TTC7B: variants seen among roughly 807,000 people sequenced by gnomAD.
TTC7B encodes tetratricopeptide repeat protein 7B.
In TTC7B, 28 loss-of-function variants were observed where a neutral mutation model predicts 106.8. The ratio of observed to expected loss-of-function variants is 0.26; its 90% CI spans 0.19 to 0.36. The LOEUF (loss-of-function observed/expected upper bound fraction) is 0.36. TTC7B is among the 10% of genes least tolerant of loss of function. The pLI, the probability that TTC7B is intolerant of heterozygous loss-of-function variation, is 1.00. For synonymous variants in TTC7B, 405 were observed against 430.6 expected (o/e 0.94, Z 0.74); for missense variants, 862 against 1,076.4 (o/e 0.80, Z 2.79).
intron 18 of TTC7B, among the ~76,000 whole-genome samples, chr14:90,583,682 C>T (rs1891597126): frequency 6.6e-6 from 1 of 152,090 alleles, no homozygotes. Flanking sequence ...ATATTCTGTC[C>T]TGGCCGCTGG....
chr14:90,722,966 T>C (rs1310219728), intron 5 of TTC7B, among the ~76,000 whole-genome samples: 1 of 152,164 alleles, frequency 6.6e-6, no homozygotes, highest in African/African-American at 2.4e-5. Flanking sequence ...CCTTCACTGA[T>C]CTCATTCAAT....
In TTC7B at chr14:90,742,307, C is replaced by G. The variant is rs1424450405; in HGVS notation, c.576+2485G>C. Among the ~76,000 whole-genome samples the G allele has an allele frequency of 1.3e-5, 2 of 151,522 alleles. No homozygotes were observed. Among genetic ancestry groups the G allele is most frequent in the Non-Finnish European group, 2.9e-5 (2 of 67,884 alleles). ...TCCTTCCCTCCCTTCCTCCCTCCCT[C>G]CTTTCTCTTTCTCTTTCTCTCTCTC... On this transcript the variant is annotated intron_variant, in intron 4 of 19. Coordinates refer to ENST00000328459, the MANE Select transcript of TTC7B (RefSeq NM_001010854.2). This position sits in a 1 kb window ranked among gnomAD's most constrained non-coding sequence, Gnocchi z 4.1.
At chr14:90,658,203 G>C (rs1886030768) in intron 10 of TTC7B, 101 bp downstream of exon 10, 1 of 1,004,738 alleles carries the variant, frequency 1.0e-6, no homozygotes, top group Admixed American at 2.1e-5. Context: ...TGGCTCGAAA[G>C]ACTTCCACAA....
chr14:90,752,742 C>T (rs2140008796), intron 3 of TTC7B, among the ~76,000 whole-genome samples: 1 of 152,358 alleles, frequency 6.6e-6, no homozygotes, highest in South Asian at 2.1e-4. Flanking sequence ...ATTAAGGGCT[C>T]CACAGCTAGT....
At chr14:90,642,327 A>G (rs1215625412) in intron 15 of TTC7B, among the ~76,000 whole-genome samples, 2 of 152,234 alleles carry the variant, frequency 1.3e-5, no homozygotes, top group African/African-American at 2.4e-5. Context: ...TTTGTAATGG[A>G]AATGTGTGAA....
chr14:90,772,855 C>T (rs1483537146), intron 3 of TTC7B: 1 of 152,100 alleles, frequency 6.6e-6, no homozygotes, highest in Non-Finnish European at 1.5e-5. Context: ...TGCCTGTAGT[C>T]CCAGCTGAGG....
At chr14:90,788,896 G>C (rs907285548) in intron 1 of TTC7B, among the ~76,000 whole-genome samples, 4 of 151,778 alleles carry the variant, frequency 2.6e-5, no homozygotes, top group African/African-American at 9.7e-5. Context: ...CCAGGAGGCA[G>C]AGGTTGCAGT....
chr14:90,581,355 T>C (rs967165301), intron 18 of TTC7B, among the ~76,000 whole-genome samples: 1 of 152,176 alleles, frequency 6.6e-6, no homozygotes, highest in Non-Finnish European at 1.5e-5. Flanking sequence ...CATTTCTCTG[T>C]CCTTTAGTTT....
intron 15 of TTC7B, among the ~76,000 whole-genome samples, chr14:90,641,934 C>T (rs72691750): frequency 0.21 from 30,684 of 146,866 alleles, 3,814 homozygotes; most frequent in Admixed American, 0.28. Flanking sequence ...TGTGTGTGTG[C>T]GTGTGTGTGT....
chr14:90,552,560 C>T (rs577536248), intron 19 of TTC7B, among the ~76,000 whole-genome samples: 18 of 152,298 alleles, frequency 1.2e-4, no homozygotes, highest in African/African-American at 4.1e-4. Context: ...GGGGATAGAA[C>T]ATTCGTGTGG....
At position 90,805,176 on chromosome 14, in the gene TTC7B, A is replaced by G. The variant is rs1386855983; in HGVS notation, c.121+10999T>C. On this transcript the variant is annotated intron_variant, in intron 1 of 19. Transcript: ENST00000328459. The surrounding 1 kb of genome is among the most constrained non-coding windows in gnomAD (Gnocchi z 4.0). The stretch of plus-strand genomic sequence containing the variant: ...GCTAAGAGTTACAGGTGCATCTCAG[A>G]CATCAGTCCAGGGCCTCGGGCCAGT... Among the ~76,000 whole-genome samples the G allele has an allele frequency of 6.6e-6, 1 of 152,166 alleles. No individual in the cohort carries two copies. The highest frequency in any genetic ancestry group is 1.5e-5 in the Non-Finnish European group (1 of 68,020).
intron 6 of TTC7B, among the ~76,000 whole-genome samples, chr14:90,695,265 C>A (rs1887692424): frequency 8.1e-6 from 1 of 123,118 alleles, no homozygotes; most frequent in Non-Finnish European, 1.7e-5. Context: ...ATATATATGT[C>A]ACACATACAA....
intron 4 of TTC7B, among the ~76,000 whole-genome samples, chr14:90,743,621 C>T (rs148454869): frequency 3.8e-4 from 58 of 152,284 alleles, no homozygotes; most frequent in African/African-American, 1.3e-3. Context: ...CCAGCAACAG[C>T]AACTGCTAGG....
At chr14:90,790,971 A>G (rs1226278278) in intron 1 of TTC7B, among the ~76,000 whole-genome samples, 1 of 152,096 alleles carries the variant, frequency 6.6e-6, no homozygotes, top group Non-Finnish European at 1.5e-5. Context: ...GGGGAATAGG[A>G]TGTGGATAGA....
intron 9 of TTC7B, among the ~76,000 whole-genome samples, chr14:90,673,513 G>A (rs1176351239): frequency 6.6e-6 from 1 of 152,194 alleles, no homozygotes; most frequent in South Asian, 2.1e-4. Context: ...CAGAAAGATC[G>A]CCCTGCTGAC....
At chr14:90,594,271 T>G (rs1419129267) in intron 17 of TTC7B, among the ~76,000 whole-genome samples, 1 of 152,178 alleles carries the variant, frequency 6.6e-6, no homozygotes, top group African/African-American at 2.4e-5. Flanking sequence ...TAGCAAAGAC[T>G]CCTGGGGTTC....
At chr14:90,609,476 A>G (rs149512466) in intron 17 of TTC7B, among the ~76,000 whole-genome samples, 97 of 152,320 alleles carry the variant, frequency 6.4e-4, no homozygotes, top group Middle Eastern at 3.4e-3. Flanking sequence ...TCTGGCTCCC[A>G]AAGGCCCTAT....
At chr14:90,672,543 T>C (rs999799210) in intron 9 of TTC7B, among the ~76,000 whole-genome samples, 5 of 152,214 alleles carry the variant, frequency 3.3e-5, no homozygotes, top group South Asian at 2.1e-4. Flanking sequence ...TCTCTCCTCC[T>C]AGACCACTTA....
At chr14:90,745,297 C>CAAAAAAAAAAAA in intron 3 of TTC7B, among the ~76,000 whole-genome samples, 1 of 108,724 alleles carries the variant, frequency 9.2e-6, no homozygotes, top group Non-Finnish European at 2.0e-5. Context: ...CCCTGTCTCC[C>CAAAAAAAAAAAA]AAAAAAAAAA....
Sources: allele counts gnomAD v4.1 joint callset (sites outside exome capture counted in the v4.1 genomes callset), GRCh38; gene constraint gnomAD v4.1.1; non-coding constraint Gnocchi (gnomAD v3.1); transcripts MANE v1.5; gene names NCBI Gene and HGNC (gene_info 2026-07-23, HGNC 2026-07-21).